PTPRT: variants seen among roughly 807,000 people sequenced by gnomAD.
PTPRT encodes the protein protein tyrosine phosphatase receptor type T.
In PTPRT, 56 loss-of-function variants were observed where a neutral mutation model predicts 176.8. The observed-to-expected ratio is 0.32, with a 90% CI of 0.26 to 0.40. The LOEUF (loss-of-function observed/expected upper bound fraction) is 0.40, where lower values mean the gene tolerates loss of function less well. Among genes scored for constraint, PTPRT ranks in the 10% least tolerant of loss-of-function variants. The pLI is 1.00. For missense variants in PTPRT, 1,540 were observed against 1,908.2 expected (o/e 0.81, Z 3.60); for synonymous variants, 783 against 739.0 (o/e 1.06, Z -0.96).
At chr20:42,951,355 T>C (rs1047427148) in intron 1 of PTPRT, among the ~76,000 whole-genome samples, 2 of 147,928 alleles carry the variant, frequency 1.4e-5, no homozygotes, top group Non-Finnish European at 1.5e-5. Flanking sequence ...GGCAGATGGA[T>C]AGATGGACAG....
chr20:42,685,237 A>G (rs1460856309), intron 6 of PTPRT, among the ~76,000 whole-genome samples: 1 of 152,218 alleles, frequency 6.6e-6, no homozygotes, highest in Non-Finnish European at 1.5e-5. Context: ...TTTCTGAAGA[A>G]CGCAGAGAAG....
chr20:42,158,517 G>A (rs1336942147), intron 17 of PTPRT, among the ~76,000 whole-genome samples: 2 of 152,178 alleles, frequency 1.3e-5, no homozygotes, highest in African/African-American at 4.8e-5. Flanking sequence ...CACAGAGCAG[G>A]TTGGTATGAG....
intron 1 of PTPRT, among the ~76,000 whole-genome samples, chr20:43,007,146 A>G (rs145652904): frequency 1.4e-4 from 22 of 152,268 alleles, no homozygotes; most frequent in African/African-American, 5.3e-4. Flanking sequence ...AGGATTTGAA[A>G]CCTCATCACT....
chr20:42,275,988 T>C (rs2057022556), intron 13 of PTPRT, among the ~76,000 whole-genome samples: 5 of 152,132 alleles, frequency 3.3e-5, no homozygotes. Flanking sequence ...TTATAAAGAC[T>C]GAACAACAAT....
At chr20:42,496,400 C>T (rs1200422465) in intron 7 of PTPRT, among the ~76,000 whole-genome samples, 1 of 152,152 alleles carries the variant, frequency 6.6e-6, no homozygotes, top group African/African-American at 2.4e-5. Flanking sequence ...ACAGAAGTTT[C>T]CATGTCCTAA....
chr20:42,329,343 T>C (rs2057931225), intron 11 of PTPRT, among the ~76,000 whole-genome samples: 1 of 152,090 alleles, frequency 6.6e-6, no homozygotes, highest in Non-Finnish European at 1.5e-5. Context: ...CCAAGAACAT[T>C]TTGAACAACA....
chr20:42,889,018 T>C (rs2079148460), intron 1 of PTPRT, among the ~76,000 whole-genome samples: 1 of 152,236 alleles, frequency 6.6e-6, no homozygotes, highest in African/African-American at 2.4e-5. Context: ...GCATCCCAGG[T>C]TACAGATCCC....
chr20:42,598,586 T>C (rs895052335), intron 7 of PTPRT, among the ~76,000 whole-genome samples: 1 of 152,220 alleles, frequency 6.6e-6, no homozygotes, highest in African/African-American at 2.4e-5. Flanking sequence ...GGTTCTATTT[T>C]AGCTGTTTTC....
intron 16 of PTPRT, among the ~76,000 whole-genome samples, chr20:42,192,688 C>A (rs902367277): frequency 6.6e-6 from 1 of 152,098 alleles, no homozygotes; most frequent in African/African-American, 2.4e-5. Context: ...TGCACAAAGT[C>A]CTGTAACAAA....
intron 7 of PTPRT, among the ~76,000 whole-genome samples, chr20:42,636,895 G>A (rs1225397849): frequency 1.3e-5 from 2 of 151,770 alleles, no homozygotes; most frequent in Non-Finnish European, 2.9e-5. Flanking sequence ...GCTTTTGAAA[G>A]TATCAACTGT....
chr20:43,180,461 T>C (rs3092622), intron 1 of PTPRT, among the ~76,000 whole-genome samples: 95,303 of 149,686 alleles, frequency 0.64, 33,363 homozygotes, highest in Non-Finnish European at 0.79. Flanking sequence ...TATATATATA[T>C]ACACCCACAT....
chr20:43,124,953 T>G (rs2013386994), intron 1 of PTPRT, among the ~76,000 whole-genome samples: 1 of 152,012 alleles, frequency 6.6e-6, no homozygotes, highest in Non-Finnish European at 1.5e-5. Flanking sequence ...AATAAGGAAA[T>G]TAGAGCTCAA....
intron 6 of PTPRT, among the ~76,000 whole-genome samples, chr20:42,698,217 G>C (rs984547022): frequency 4.6e-5 from 7 of 152,164 alleles, no homozygotes; most frequent in African/African-American, 1.7e-4. Flanking sequence ...AACTATCGAT[G>C]TTCTGCCCAG....
chr20:42,541,145 AT>A (rs765721902), intron 7 of PTPRT, among the ~76,000 whole-genome samples: 38 of 152,332 alleles, frequency 2.5e-4, no homozygotes, highest in African/African-American at 8.2e-4. Flanking sequence ...ATATAAAAAA[AT>A]ATACAATGTG....
chr20:42,123,928 A>G (rs12625736), intron 19 of PTPRT, among the ~76,000 whole-genome samples: 44,330 of 152,074 alleles, frequency 0.29, 6,962 homozygotes, highest in Non-Finnish European at 0.34. Flanking sequence ...GTTGAATGGG[A>G]GCTCCATGAA....
intron 13 of PTPRT, among the ~76,000 whole-genome samples, chr20:42,256,710 C>T (rs940548505): frequency 6.6e-6 from 1 of 150,938 alleles, no homozygotes; most frequent in Non-Finnish European, 1.5e-5. Context: ...TAAAACAGAG[C>T]AAATTTACTA....
rs966842754 is a variant in PTPRT, at chr20:42,546,838, C to A, written c.1154-74276G>T. On this transcript the variant is annotated intron_variant, in intron 7 of 30. Transcript: ENST00000373187. ...AGTCAGAACACATACAACATTTACC[C>A]ACTATGTTTGCTCATTGCTAGAAAG... is the stretch of plus-strand genomic sequence containing the variant. Among the ~76,000 whole-genome samples the A allele has an allele frequency of 3.9e-4, 59 of 152,248 alleles. 1 individual carries two copies. Among genetic ancestry groups the A allele is most frequent in the East Asian group, 1.9e-4 (1 of 5,170 alleles).
chr20:42,956,584 T>C (rs988241887), intron 1 of PTPRT, among the ~76,000 whole-genome samples: 1 of 151,490 alleles, frequency 6.6e-6, no homozygotes, highest in African/African-American at 2.4e-5. Context: ...TAAATCTCTC[T>C]CTTTTTTTTT....
chr20:42,959,832 G>C (rs138924927), intron 1 of PTPRT, among the ~76,000 whole-genome samples: 50 of 152,244 alleles, frequency 3.3e-4, no homozygotes, highest in African/African-American at 1.0e-3. Context: ...AAGTCCTTAG[G>C]GGGGAGTCCA....
Sources: allele counts gnomAD v4.1 joint callset (sites outside exome capture counted in the v4.1 genomes callset), GRCh38; gene constraint gnomAD v4.1.1; transcripts MANE v1.5; gene names NCBI Gene and HGNC (gene_info 2026-07-23, HGNC 2026-07-21).